ASPH: variants seen among roughly 807,000 people sequenced by gnomAD.
The protein encoded by ASPH is aspartate beta-hydroxylase.
A neutral mutation model predicts 118.4 loss-of-function variants in ASPH; 100 were observed. The observed-to-expected ratio is 0.84, with a 90% CI of 0.72 to 1.00. The LOEUF (loss-of-function observed/expected upper bound fraction) is 1.00. Ranked by LOEUF, ASPH falls within the 50% of genes least tolerant of loss-of-function variation. The probability of loss-of-function intolerance (pLI) is 0.00; values close to 1 mark genes in which losing one functional copy is unlikely to be tolerated. For missense variants in ASPH, 920 were observed against 919.5 expected, an observed-to-expected ratio of 1.00 and a Z score of -0.01; for synonymous variants, 315 against 325.6, an observed-to-expected ratio of 0.97 and a Z score of 0.35.
chr8:61,578,336 C>T lies in ASPH; in HGVS notation c.1063-1478G>A. 3.1e-6 allele frequency: 5 copies of T among 1,606,400 alleles called. No homozygotes were observed. In the South Asian group the frequency reaches 3.3e-5, roughly 11 times the overall value. ...CCCACATCAGCTCCTCGAGCTTCTC[C>T]TGAGTGGGCAGCAGCAGCTTTCGGG... On this transcript the variant is annotated intron_variant, in intron 15 of 24. Coordinates refer to ENST00000379454, the MANE Select transcript of ASPH (RefSeq NM_004318.4).
intron 24 of ASPH, among the ~76,000 whole-genome samples, chr8:61,511,627 A>G (rs1030473251): frequency 6.6e-6 from 1 of 152,154 alleles, no homozygotes; most frequent in African/African-American, 2.4e-5. Flanking sequence ...TTTTGAGATG[A>G]AGTTTCACTC....
chr8:61,628,741 T>C (rs1326566250), intron 13 of ASPH, among the ~76,000 whole-genome samples: 2 of 152,172 alleles, frequency 1.3e-5, no homozygotes, highest in African/African-American at 4.8e-5. Flanking sequence ...TGTGTTGCTG[T>C]GCACAGCTCT....
intron 21 of ASPH, among the ~76,000 whole-genome samples, chr8:61,539,903 G>A (rs976791766): frequency 1.3e-5 from 2 of 152,112 alleles, no homozygotes; most frequent in African/African-American, 4.8e-5. Flanking sequence ...AAAGGGAAGA[G>A]CAAAACTCTT....
At chr8:61,535,453 G>A (rs929536500) in intron 21 of ASPH, among the ~76,000 whole-genome samples, 1 of 152,190 alleles carries the variant, frequency 6.6e-6, no homozygotes, top group Non-Finnish European at 1.5e-5. Flanking sequence ...GTGACTAGCT[G>A]TTAAGAAAAA....
intron 24 of ASPH, among the ~76,000 whole-genome samples, chr8:61,509,747 T>A (rs1475549220): frequency 6.6e-6 from 1 of 152,010 alleles, no homozygotes; most frequent in East Asian, 1.9e-4. Flanking sequence ...TCCTTTCCCC[T>A]ACCTCTCCAG....
intron 14 of ASPH, among the ~76,000 whole-genome samples, chr8:61,594,152 C>G (rs544388190): frequency 6.6e-6 from 1 of 152,312 alleles, no homozygotes; most frequent in East Asian, 1.9e-4. Flanking sequence ...CCAAAAGCAT[C>G]ACTGCATGAT....
At chr8:61,536,151 T>C in intron 21 of ASPH, among the ~76,000 whole-genome samples, 1 of 150,918 alleles carries the variant, frequency 6.6e-6, no homozygotes, top group Admixed American at 6.7e-5. Flanking sequence ...GCAATTCTCC[T>C]GCCTCAGCCT....
chr8:61,599,459 T>C (rs1306287909), intron 14 of ASPH, among the ~76,000 whole-genome samples: 1 of 129,532 alleles, frequency 7.7e-6, no homozygotes, highest in Non-Finnish European at 1.6e-5. Flanking sequence ...CCCTAGAACT[T>C]AAAGTATATT....
intron 1 of ASPH, among the ~76,000 whole-genome samples, chr8:61,691,303 T>C (rs1036793364): frequency 6.6e-6 from 1 of 152,114 alleles, no homozygotes; most frequent in African/African-American, 2.4e-5. Context: ...GTACCAACAT[T>C]TGATGGTCCA....
At position 61,631,974 on chromosome 8, in the gene ASPH, T is replaced by C. The variant is rs188663203; in HGVS notation, c.934+1709A>G. 3.9e-5 allele frequency: 6 copies of C among 154,686 alleles called. No individual in the cohort carries two copies. The East Asian group carries it at 1.2e-3, about 30-fold the overall frequency. 9.6% of individuals were successfully genotyped at this position (154,686 alleles called of 1,614,324 possible). ...CAGTTGAATCAACCCTGATGATCAA[T>C]GGGGTGACAGATGTCACAGCCAGAT... is the stretch of plus-strand genomic sequence containing the variant. On this transcript the variant is annotated intron_variant, in intron 13 of 24. Transcript: ENST00000379454.
chr8:61,564,730 A>G (rs948677071), intron 17 of ASPH, among the ~76,000 whole-genome samples: 1 of 152,170 alleles, frequency 6.6e-6, no homozygotes, highest in African/African-American at 2.4e-5. Context: ...TATTAGTCTA[A>G]CTGACCATTT....
At chr8:61,522,654 G>A (rs2035380896) in intron 22 of ASPH, among the ~76,000 whole-genome samples, 1 of 152,026 alleles carries the variant, frequency 6.6e-6, no homozygotes, top group Non-Finnish European at 1.5e-5. Flanking sequence ...CCCTTCACTT[G>A]GTACTTATTC....
intron 1 of ASPH, among the ~76,000 whole-genome samples, chr8:61,712,841 G>A (rs894738479): frequency 6.6e-6 from 1 of 152,022 alleles, no homozygotes; most frequent in African/African-American, 2.4e-5. Flanking sequence ...GAAATGGAAC[G>A]AAGACATGCT....
Position 61,663,580 on chromosome 8 carries a change from T to C in ASPH, c.323-9920A>G, listed in dbSNP as rs557432556. ...ATCTAGTCATCTGAAGTTAGTGCCCTGTATCTGCCAAACAAAGCAGCTGTA... is the reference window on the plus strand; with the variant it reads ...ATCTAGTCATCTGAAGTTAGTGCCCCGTATCTGCCAAACAAAGCAGCTGTA... On this transcript the variant is annotated intron_variant, in intron 3 of 24. Coordinates refer to ENST00000379454, the MANE Select transcript of ASPH (RefSeq NM_004318.4). The C allele has an allele frequency of 1.1e-4, 107 of 985,400 alleles. 1 individual carries two copies. The African/African-American group carries it at 1.3e-3, about 12-fold the overall frequency. 61.0% of individuals were successfully genotyped at this position (985,400 alleles called of 1,614,324 possible). A position where few individuals can be genotyped will look rare whatever the true frequency, so the allele number is the denominator to read the frequency against.
intron 22 of ASPH, among the ~76,000 whole-genome samples, chr8:61,520,483 C>T (rs777334177): frequency 3.9e-5 from 6 of 152,208 alleles, no homozygotes; most frequent in Non-Finnish European, 8.8e-5. Flanking sequence ...TCACCCCAAT[C>T]AAATGGAGCT....
At chr8:61,561,973 ATCACTGAGTGGTAGCATAT>A (rs1388723060) in intron 18 of ASPH, among the ~76,000 whole-genome samples, 1 of 152,220 alleles carries the variant, frequency 6.6e-6, no homozygotes, top group African/African-American at 2.4e-5. Flanking sequence ...AAATCATACT[ATCACTGAGTGGTAGCATAT>A]TGATGTAGAC....
At chr8:61,509,826 T>G (rs1428688048) in intron 24 of ASPH, among the ~76,000 whole-genome samples, 2 of 152,120 alleles carry the variant, frequency 1.3e-5, no homozygotes, top group African/African-American at 4.8e-5. Flanking sequence ...TGCTGCATTC[T>G]TGTCACACCT....
At chr8:61,563,702 C>T (rs954176681) in intron 17 of ASPH, among the ~76,000 whole-genome samples, 4 of 152,218 alleles carry the variant, frequency 2.6e-5, no homozygotes, top group African/African-American at 9.6e-5. Context: ...AATCATATTC[C>T]AACCAGAACC....
chr8:61,661,381 C>T (rs1816837735), intron 3 of ASPH: 1 of 152,212 alleles, frequency 6.6e-6, no homozygotes, highest in African/African-American at 2.4e-5. Flanking sequence ...GCTGTTTACA[C>T]ATATGCAACA....
Sources: gnomAD v4.1 joint callset for allele counts (sites outside exome capture counted in the v4.1 genomes callset) on GRCh38, gnomAD v4.1.1 for gene constraint, MANE v1.5 for transcripts, NCBI Gene and HGNC (gene_info 2026-07-23, HGNC 2026-07-21) for gene names.